Variants in PEBP4 observed in about 807,000 individuals in gnomAD.
The protein encoded by PEBP4 is phosphatidylethanolamine-binding protein 4.
Under a neutral mutation model 23.9 loss-of-function variants are expected in PEBP4, and 22 were observed. That is an observed-to-expected ratio of 0.92 (90% CI 0.66 to 1.31). The LOEUF (loss-of-function observed/expected upper bound fraction) is 1.31. PEBP4 is among the 40% of genes most tolerant of loss of function. The pLI, the probability that PEBP4 is intolerant of heterozygous loss-of-function variation, is 0.00. For synonymous variants in PEBP4, 112 were observed against 99.3 expected (o/e 1.13, Z -0.76); for missense variants, 324 against 281.7 (o/e 1.15, Z -1.07).
intron 6 of PEBP4, among the ~76,000 whole-genome samples, chr8:22,719,883 G>A (rs1361850052): frequency 6.6e-6 from 1 of 152,246 alleles, no homozygotes; most frequent in African/African-American, 2.4e-5. Context: ...TCAATGCAGA[G>A]ACTGTCACTT....
intron 4 of PEBP4, among the ~76,000 whole-genome samples, chr8:22,795,164 T>TATATATATATATATATATATA (rs1491200518): frequency 6.3e-4 from 11 of 17,518 alleles, no homozygotes; most frequent in South Asian, 4.4e-3. Context: ...TATATATATA[T>TATATATATATATATATATATA]TTTTTTTTTT....
At chr8:22,935,063 AAC>A (rs1274645011) in intron 1 of PEBP4, among the ~76,000 whole-genome samples, 1 of 152,238 alleles carries the variant, frequency 6.6e-6, no homozygotes, top group Non-Finnish European at 1.5e-5. Context: ...AAGAAGATAT[AAC>A]AGTTATAAAC....
intron 4 of PEBP4, among the ~76,000 whole-genome samples, chr8:22,797,111 G>T (rs141717416): frequency 9.2e-5 from 14 of 151,906 alleles, no homozygotes; most frequent in African/African-American, 3.4e-4. Flanking sequence ...AAAATCAGCC[G>T]GGCATGGTGG....
intron 4 of PEBP4, among the ~76,000 whole-genome samples, chr8:22,746,014 G>T (rs1805107641): frequency 6.6e-6 from 1 of 152,208 alleles, no homozygotes; most frequent in Admixed American, 6.5e-5. Context: ...GTGACAAATG[G>T]ACTGCTCATG....
chr8:22,925,855 A>T (rs2466222), intron 2 of PEBP4, among the ~76,000 whole-genome samples: 40,747 of 152,118 alleles, frequency 0.27, 6,147 homozygotes, highest in East Asian at 0.45. Flanking sequence ...GAAGCCTGCC[A>T]GCCCCTCAGC....
At chr8:22,863,369 A>C (rs1807821263) in intron 3 of PEBP4, among the ~76,000 whole-genome samples, 1 of 152,158 alleles carries the variant, frequency 6.6e-6, no homozygotes, top group South Asian at 2.1e-4. Flanking sequence ...TCAAAAAATG[A>C]CACTATAATT....
At chr8:22,716,839 TA>T (rs1554477428) in intron 6 of PEBP4, among the ~76,000 whole-genome samples, 2 of 152,200 alleles carry the variant, frequency 1.3e-5, no homozygotes, top group Non-Finnish European at 2.9e-5. Flanking sequence ...AGGGCCCCTT[TA>T]ACACTGGCAG....
chr8:22,732,633 T>C (rs73212859), intron 4 of PEBP4, among the ~76,000 whole-genome samples: 2 of 30,132 alleles, frequency 6.6e-5, no homozygotes, highest in Non-Finnish European at 2.2e-4. Flanking sequence ...GCTGGCCCCA[T>C]TTGTGTGTGT....
intron 4 of PEBP4, among the ~76,000 whole-genome samples, chr8:22,759,037 G>A (rs1244175740): frequency 6.6e-6 from 1 of 152,166 alleles, no homozygotes; most frequent in Non-Finnish European, 1.5e-5. Context: ...ATGGGAAACA[G>A]CTGTTTACCT....
chr8:22,926,990 T>C (rs1204030418), intron 2 of PEBP4, among the ~76,000 whole-genome samples: 1 of 151,754 alleles, frequency 6.6e-6, no homozygotes, highest in African/African-American at 2.4e-5. Flanking sequence ...ACCGGCAGAG[T>C]TGGTGAGGAG....
chr8:22,886,698 A>G (rs1286515629), intron 3 of PEBP4: 1 of 152,340 alleles, frequency 6.6e-6, no homozygotes, highest in Non-Finnish European at 1.5e-5. Context: ...TGCACCTGGC[A>G]TGCCCCGACT....
chr8:22,852,868 G>A (rs755009129), intron 3 of PEBP4, among the ~76,000 whole-genome samples: 1 of 152,168 alleles, frequency 6.6e-6, no homozygotes, highest in South Asian at 2.1e-4. Flanking sequence ...GTGTTCATGT[G>A]TTCATTTCTA....
At chr8:22,814,306 G>T (rs1303878222) in intron 4 of PEBP4, among the ~76,000 whole-genome samples, 1 of 152,178 alleles carries the variant, frequency 6.6e-6, no homozygotes, top group Non-Finnish European at 1.5e-5. Context: ...ATACTGAATA[G>T]TGTTCTATAT....
chr8:22,737,529 C>T (rs181986363), intron 4 of PEBP4, among the ~76,000 whole-genome samples: 209 of 151,914 alleles, frequency 1.4e-3, no homozygotes, highest in Non-Finnish European at 2.3e-3. Context: ...GGTGCAGGAT[C>T]CCCCCACTCC....
chr8:22,759,448 C>T (rs1029584010), intron 4 of PEBP4, among the ~76,000 whole-genome samples: 1 of 151,784 alleles, frequency 6.6e-6, no homozygotes, highest in Non-Finnish European at 1.5e-5. Flanking sequence ...GCATATCGGG[C>T]GCTGGGCCGG....
chr8:22,924,570 G>T (rs535657913), intron 2 of PEBP4: 32 of 726,130 alleles, frequency 4.4e-5, no homozygotes, highest in African/African-American at 1.5e-4. Context: ...AGGTAGGGTT[G>T]GTGTTCAAGA....
chr8:22,746,946 C>CT (rs1805133819), intron 4 of PEBP4, among the ~76,000 whole-genome samples: 1 of 152,176 alleles, frequency 6.6e-6, no homozygotes, highest in African/African-American at 2.4e-5. Flanking sequence ...CCATGTCAGC[C>CT]TCCCAAGCAG....
At chr8:22,785,011 G>T (rs1488954484) in intron 4 of PEBP4, among the ~76,000 whole-genome samples, 4 of 152,178 alleles carry the variant, frequency 2.6e-5, no homozygotes, top group South Asian at 2.1e-4. Flanking sequence ...CACGGTTTGC[G>T]CATGTGAGCT....
At chr8:22,918,265 T>C (rs1004309941) in intron 3 of PEBP4, among the ~76,000 whole-genome samples, 1 of 152,226 alleles carries the variant, frequency 6.6e-6, no homozygotes, top group African/African-American at 2.4e-5. Flanking sequence ...ACTATGTTTT[T>C]CTTCTTCCCA....
Sources: allele counts gnomAD v4.1 joint callset (sites outside exome capture counted in the v4.1 genomes callset), GRCh38; gene constraint gnomAD v4.1.1; transcripts MANE v1.5; gene names NCBI Gene and HGNC (gene_info 2026-07-23, HGNC 2026-07-21).